ERMAP: variants seen among roughly 807,000 people sequenced by gnomAD.
ERMAP encodes erythroblast membrane associated protein (Scianna blood group).
ERMAP carries 34 observed loss-of-function variants against 49.5 expected under a neutral mutation model. That is an observed-to-expected ratio of 0.69 (90% CI 0.52 to 0.91). The LOEUF is 0.91. Ranked by LOEUF, ERMAP falls within the 40% of genes least tolerant of loss-of-function variation. ERMAP has a pLI of 0.00. For synonymous variants in ERMAP, 214 were observed against 232.2 expected, an observed-to-expected ratio of 0.92 and a Z score of 0.71; for missense variants, 541 against 582.6, an observed-to-expected ratio of 0.93 and a Z score of 0.74.
intron 6 of ERMAP, 130 bp downstream of exon 6, chr1:42,835,894 T>C: frequency 7.1e-7 from 1 of 1,414,260 alleles, no homozygotes; most frequent in East Asian, 2.7e-5. Context: ...ATGGTGGCAA[T>C]GTCTAAATCC....
intron 11 of ERMAP, among the ~76,000 whole-genome samples, chr1:42,842,296 G>A (rs1570548525): frequency 6.6e-6 from 1 of 152,162 alleles, no homozygotes; most frequent in East Asian, 1.9e-4. Flanking sequence ...GACAGATGAA[G>A]AAGAACTTTT....
rs754107057 is a variant in ERMAP, at chr1:42,831,046, G to A, written c.364G>A (p.Gly122Arg). 6.2e-7 allele frequency: 1 copy of A among 1,614,236 alleles called. No individual in the cohort carries two copies. Among genetic ancestry groups the A allele is most frequent in the Non-Finnish European group, 8.5e-7 (1 of 1,180,030 alleles). The part of the protein sequence containing the change: ...QILDVRLEDQ[G>R]SYRCLIQVGN... ...CCTTGACGTGCGCCTTGAGGACCAA[G>A]GGTCTTACCGATGTCTGATCCAAGT... Residue 122 changes from glycine to arginine, a missense_variant, in exon 4 of 12, where the codon GGG (glycine) becomes AGG (arginine). Transcript: ENST00000372517.
At chr1:42,835,672 C>T (rs1654873526) in intron 5 of ERMAP, 60 bp from the exon 6 acceptor site, 4 of 1,605,592 alleles carry the variant, frequency 2.5e-6, no homozygotes, top group Admixed American at 1.7e-5. Context: ...TCTTGGGACA[C>T]TTGTGCCTGT....
At chr1:42,834,974 C>A in intron 4 of ERMAP, 64 bp from the exon 5 acceptor site, 1 of 782,208 alleles carries the variant, frequency 1.3e-6, no homozygotes, top group Non-Finnish European at 2.4e-6. Flanking sequence ...CGCCTGCCAT[C>A]TGAGGCATGC....
chr1:42,823,267 A>G (rs1654448645), intron 1 of ERMAP, among the ~76,000 whole-genome samples: 2 of 152,198 alleles, frequency 1.3e-5, no homozygotes, highest in South Asian at 4.1e-4. Flanking sequence ...TGTTTTACCC[A>G]TGCAGGGTTT....
Position 42,842,974 on chromosome 1 carries a change from C to G in ERMAP, c.1170C>G (p.Pro390=). The G allele has an allele frequency of 6.2e-7, 1 of 1,614,218 alleles. No individual in the cohort carries two copies. The highest frequency in any genetic ancestry group is 8.5e-7 in the Non-Finnish European group (1 of 1,180,040). ...CTTTCACCCACAATTTCTCTGGCCCCCTTCGCCCTTTCTTTGAACCTTGCC... is the reference window on the plus strand; with the variant it reads ...CTTTCACCCACAATTTCTCTGGCCCGCTTCGCCCTTTCTTTGAACCTTGCC... The part of the protein sequence containing the change: ...IFTFTHNFSG[P]LRPFFEPCLH... The change falls in exon 12 of 12, where the codon CCC becomes CCG. Residue 390 remains proline, a synonymous_variant. Coordinates refer to ENST00000372517, the MANE Select transcript of ERMAP (RefSeq NM_001017922.2).
At chr1:42,832,198 TTTTTTTTTTTG>T (rs1654763658) in intron 4 of ERMAP, among the ~76,000 whole-genome samples, 1 of 107,736 alleles carries the variant, frequency 9.3e-6, no homozygotes, top group South Asian at 3.2e-4. Context: ...TTTTTTTTTT[TTTTTTTTTTTG>T]AGATGGAGTG....
At position 42,819,716 on chromosome 1, in the gene ERMAP, C is replaced by T. The variant is rs1242064667; in HGVS notation, c.-122+2463C>T. Among the ~76,000 whole-genome samples the T allele has an allele frequency of 2.0e-5, 3 of 151,254 alleles. No individual in the cohort carries two copies. The highest frequency in any genetic ancestry group is 6.6e-5 in the Admixed American group (1 of 15,178). On this transcript the variant is annotated intron_variant, in intron 1 of 11. Transcript: ENST00000372517. This position sits in a 1 kb window ranked among gnomAD's most constrained non-coding sequence, Gnocchi z 5.1. The stretch of plus-strand genomic sequence containing the variant: ...CTCAAGTGATCCTCCCGCTTCAGCC[C>T]CTCAGTGGCTGGTACTACAGATGTG...
Position 42,842,639 on chromosome 1 carries a change from G to A in ERMAP, c.835G>A (p.Val279Ile), listed in dbSNP as rs144048339. 2.9e-4 allele frequency: 472 copies of A among 1,614,154 alleles called. 2 individuals carry two copies. In the East Asian group the frequency reaches 5.2e-3, roughly 18 times the overall value. ...VPDNPQRFDF[V>I]VSILGSEYFT... is the part of the protein sequence containing the mutation. ...TGACAACCCCCAGAGATTTGATTTC[G>A]TTGTCAGCATCCTAGGCTCTGAGTA... The change falls in exon 12 of 12, where the codon GTT becomes ATT. Residue 279 changes from valine to isoleucine, a missense_variant. Transcript: ENST00000372517.
chr1:42,840,735 A>G (rs1158158147), intron 11 of ERMAP, among the ~76,000 whole-genome samples: 1 of 152,110 alleles, frequency 6.6e-6, no homozygotes, highest in East Asian at 1.9e-4. Flanking sequence ...TCTGATGCAT[A>G]AGTGTTTTAT....
Position 42,830,343 on chromosome 1 carries a change from A to G in ERMAP, c.-5-101A>G. 3.0e-6 allele frequency: 3 copies of G among 1,007,350 alleles called. No individual in the cohort carries two copies. In the South Asian group the frequency reaches 4.0e-5, roughly 14 times the overall value. The allele number at this position is 1,007,350 out of a possible 1,614,324, so 62.4% of individuals were successfully genotyped here. Reference sequence around the variant, plus strand: ...TTGGAGCCCCGGCCTTTGTGATCCCAGAGCACCAGCAATACCGTCTCGGCC... The same window carrying G: ...TTGGAGCCCCGGCCTTTGTGATCCCGGAGCACCAGCAATACCGTCTCGGCC... On this transcript the variant is annotated intron_variant, in intron 2 of 11. Transcript: ENST00000372517.
At chr1:42,835,819 G>T in intron 6 of ERMAP, 55 bp downstream of exon 6, 1 of 1,584,950 alleles carries the variant, frequency 6.3e-7, no homozygotes, top group Non-Finnish European at 8.6e-7. Context: ...GTTAATTTCT[G>T]TGCCCCCCAT....
chr1:42,844,139 T>C lies in ERMAP; in HGVS notation c.*907T>C, dbSNP rs1444586181. The C allele has an allele frequency of 2.3e-5, 9 of 398,468 alleles. No individual in the cohort carries two copies. The highest frequency in any genetic ancestry group is 8.2e-5 in the African/African-American group (4 of 48,614). 24.7% of individuals were successfully genotyped at this position (398,468 alleles called of 1,614,324 possible). ...AACCACCAACGTAGAAGCTTTTTTT[T>C]CCCCACAAGACCATTGTACTGCAAT... On this transcript the variant is annotated 3_prime_UTR_variant, in exon 12 of 12. Transcript: ENST00000372517. This position sits in a 1 kb window ranked among gnomAD's most constrained non-coding sequence, Gnocchi z 4.0.
At chr1:42,833,306 T>C (rs977220384) in intron 4 of ERMAP, among the ~76,000 whole-genome samples, 1 of 152,184 alleles carries the variant, frequency 6.6e-6, no homozygotes, top group Non-Finnish European at 1.5e-5. Flanking sequence ...AACTGAAAAA[T>C]GGCCTATAAT....
Position 42,830,894 on chromosome 1 carries a change from C to T in ERMAP, c.212C>T (p.Pro71Leu), listed in dbSNP as rs370783701. The T allele has an allele frequency of 3.1e-6, 5 of 1,613,810 alleles. No homozygotes were observed. The highest frequency in any genetic ancestry group is 2.2e-5 in the East Asian group (1 of 44,880). The change falls in exon 4 of 12, where the codon CCG (proline) becomes CTG (leucine). Residue 71 changes from proline (P) to leucine (L), a missense_variant. Pro to Leu is a moderately conservative substitution (Grantham distance 98). Coordinates refer to ENST00000372517, the MANE Select transcript of ERMAP (RefSeq NM_001017922.2). Reference protein sequence around the residue: ...KEVRWLRSPFPQRSQAVHIFR... With the variant: ...KEVRWLRSPFLQRSQAVHIFR... ...GTGAGGTGGCTGCGGTCCCCATTCC[C>T]GCAGCGCTCCCAGGCTGTTCACATA...
chr1:42,843,234 G>T lies in ERMAP; in HGVS notation c.*2G>T. 1.3e-6 allele frequency: 2 copies of T among 1,567,126 alleles called. No homozygotes were observed. Among genetic ancestry groups the T allele is most frequent in the Middle Eastern group, 3.5e-4 (2 of 5,794 alleles). On this transcript the variant is annotated 3_prime_UTR_variant, in exon 12 of 12. Transcript: ENST00000372517. ...GAGCTCAAGGCTCCTTCTTTTTAGG[G>T]ATATGCCACATTACCTGCTCCCATC...
intron 7 of ERMAP, 116 bp from the exon 8 acceptor site, chr1:42,838,785 A>C: frequency 6.6e-7 from 1 of 1,515,876 alleles, no homozygotes; most frequent in Non-Finnish European, 9.1e-7. Context: ...GACTAGGGAC[A>C]TAGAAGCGTC....
At chr1:42,825,533 G>A (rs1173813079) in intron 1 of ERMAP, 90 bp from the exon 2 acceptor site, 2 of 1,205,646 alleles carry the variant, frequency 1.7e-6, no homozygotes, top group African/African-American at 1.6e-5. Flanking sequence ...GGTTTACAGG[G>A]ACAGCGAGAA....
chr1:42,841,858 T>A (rs1318566645), intron 11 of ERMAP: 1 of 152,290 alleles, frequency 6.6e-6, no homozygotes, highest in African/African-American at 2.4e-5. Context: ...TGTCTTACTC[T>A]GTTTTCTGTT....
Sources: gnomAD v4.1 joint callset for allele counts (sites outside exome capture counted in the v4.1 genomes callset) on GRCh38, gnomAD v4.1.1 for gene constraint, Gnocchi (gnomAD v3.1) non-coding constraint, MANE v1.5 for transcripts, NCBI Gene and HGNC (gene_info 2026-07-23, HGNC 2026-07-21) for gene names.